The following PTPN6 variants were observed in gnomAD, a reference collection of about 807,000 sequenced individuals.
PTPN6 encodes the protein tyrosine-protein phosphatase non-receptor type 6.
In PTPN6, 18 loss-of-function variants were observed where a neutral mutation model predicts 81.5. The ratio of observed to expected loss-of-function variants is 0.22; its 90% confidence interval spans 0.15 to 0.33. The LOEUF is 0.33. Ranked by LOEUF, PTPN6 falls within the 10% of genes least tolerant of loss-of-function variation. The pLI, the probability that PTPN6 is intolerant of heterozygous loss-of-function variation, is 1.00. For missense variants in PTPN6, 500 were observed against 794.2 expected, an observed-to-expected ratio of 0.63 and a Z score of 4.45; for synonymous variants, 301 against 310.9, an observed-to-expected ratio of 0.97 and a Z score of 0.33.
upstream of PTPN6, among the ~76,000 whole-genome samples, chr12:6,947,817 C>T (rs1945854389): frequency 6.6e-6 from 1 of 152,074 alleles, no homozygotes; most frequent in African/African-American, 2.4e-5. Context: ...GGAAGAGGAG[C>T]TGGCCATGTG....
upstream of PTPN6, chr12:6,946,836 G>A (rs960947519): frequency 3.1e-6 from 4 of 1,308,344 alleles, no homozygotes; most frequent in South Asian, 1.3e-5. Context: ...GAACGTGAGT[G>A]CGATCTGCCG....
rs1591684891 is a variant in PTPN6 at position 6,952,921 on chromosome 12, C to T, written c.326+744C>T. On this transcript the variant is annotated intron_variant, in intron 3 of 15. Coordinates refer to ENST00000318974, the MANE Select transcript of PTPN6 (RefSeq NM_002831.6). This position sits in a 1 kb window ranked among gnomAD's most constrained non-coding sequence, Gnocchi z 8.1. ...CAGCCGCATCTCAATGCCAGATCCC[C>T]TTAGAGTAAAGGGCAGCGGAATAAC... 5 of 152,856 alleles carry T rather than the reference C, an allele frequency of 3.3e-5. No homozygotes were observed. The highest frequency in any genetic ancestry group is 7.3e-5 in the Non-Finnish European group (5 of 68,406). 9.5% of individuals were successfully genotyped at this position (152,856 alleles called of 1,614,324 possible).
Position 6,960,519 on chromosome 12 carries a change from T to G in PTPN6, c.1673+84T>G. ...CCTCACTTTCTGGAGAGGACAAGTG[T>G]TGCAGCTGGGGGGACCTGGCTTCAA... On this transcript the variant is annotated intron_variant, in intron 14 of 15. Coordinates refer to ENST00000318974, the MANE Select transcript of PTPN6 (RefSeq NM_002831.6). The surrounding 1 kb of genome is among the most constrained non-coding windows in gnomAD (Gnocchi z 6.1). 1.3e-6 allele frequency: 2 copies of G among 1,492,764 alleles called. No homozygotes were observed. The highest frequency in any genetic ancestry group is 1.8e-6 in the Non-Finnish European group (2 of 1,088,428). 92.5% of individuals were successfully genotyped at this position (1,492,764 alleles called of 1,614,324 possible).
At position 6,957,065 on chromosome 12, in the gene PTPN6, C is replaced by T. The variant is rs781880556; in HGVS notation, c.1074+497C>T. Among the ~76,000 whole-genome samples, 4 of 152,332 alleles carry T rather than the reference C, an allele frequency of 2.6e-5. No homozygotes were observed. Among genetic ancestry groups the T allele is most frequent in the South Asian group, 4.1e-4 (2 of 4,832 alleles). On this transcript the variant is annotated intron_variant, in intron 9 of 15. Coordinates refer to ENST00000318974, the MANE Select transcript of PTPN6 (RefSeq NM_002831.6). The surrounding 1 kb of genome is among the most constrained non-coding windows in gnomAD (Gnocchi z 6.5). ...TCTGGTGGCTTCCCTCTGACCCGCA[C>T]GCTTCTCTTGAAGGCTCACCGCCCC...
chr12:6,948,938 T>G (rs1392018946), upstream of PTPN6, among the ~76,000 whole-genome samples: 1 of 130,270 alleles, frequency 7.7e-6, no homozygotes, highest in African/African-American at 3.0e-5. Context: ...CGGGAGAGAC[T>G]CCATCTCAAA....
Position 6,960,259 on chromosome 12 carries a change from T to TGGCG in PTPN6, c.1581+22_1581+23insCGGG. On this transcript the variant is annotated intron_variant, in intron 13 of 15. Coordinates refer to ENST00000318974, the MANE Select transcript of PTPN6 (RefSeq NM_002831.6). This position sits in a 1 kb window ranked among gnomAD's most constrained non-coding sequence, Gnocchi z 6.1. ...CTGCAGGTGCGTGCAGAGCAGGGCC[T>TGGCG]GGGGGGGGGGGGGGCTGCAGTGCAG... 8.7e-7 allele frequency: 1 copy of TGGCG among 1,146,954 alleles called. No homozygotes were observed. The highest frequency in any genetic ancestry group is 1.2e-6 in the Non-Finnish European group (1 of 823,850). The allele number at this position is 1,146,954 out of a possible 1,614,324, so 71.0% of individuals were successfully genotyped here. A position where few individuals can be genotyped will look rare whatever the true frequency, so the allele number is the denominator to read the frequency against.
In PTPN6 at chr12:6,961,277, A is replaced by C. The variant is rs916232889; in HGVS notation, c.*177A>C. On this transcript the variant is annotated 3_prime_UTR_variant, in exon 16 of 16. Transcript: ENST00000318974. ...CCCAGCCAGGCCCCAGGCAGGGCCAACCCTTCTCCTCTTGTAAATAAAGCC... is the reference window on the plus strand; with the variant it reads ...CCCAGCCAGGCCCCAGGCAGGGCCACCCCTTCTCCTCTTGTAAATAAAGCC... 1 of 342,728 alleles carries C rather than the reference A, an allele frequency of 2.9e-6. No homozygotes were observed. The highest frequency in any genetic ancestry group is 5.7e-6 in the Non-Finnish European group (1 of 174,436). 21.2% of individuals were successfully genotyped at this position (342,728 alleles called of 1,614,324 possible).
upstream of PTPN6, among the ~76,000 whole-genome samples, chr12:6,948,637 GAAAA>G (rs1555147201): frequency 6.6e-6 from 1 of 151,760 alleles, no homozygotes; most frequent in African/African-American, 2.4e-5. Context: ...CCGGTCGAAA[GAAAA>G]AAGAAAAAGT....
chr12:6,946,600 G>A (rs1591678644), upstream of PTPN6: 59 of 764,920 alleles, frequency 7.7e-5, no homozygotes, highest in East Asian at 1.6e-3. Context: ...GCAGGATCGA[G>A]GAGGAAGTGG....
In PTPN6 at chr12:6,951,424, C is replaced by G. The variant is rs1555147694; in HGVS notation, c.-89C>G. On this transcript the variant is annotated 5_prime_UTR_variant, in exon 1 of 16. The change creates a new upstream start codon in the 5' untranslated region. Coordinates refer to ENST00000318974, the MANE Select transcript of PTPN6 (RefSeq NM_002831.6). This position sits in a 1 kb window ranked among gnomAD's most constrained non-coding sequence, Gnocchi z 7.2. The stretch of plus-strand genomic sequence containing the variant: ...GGCGGCCCGGCACTGGGAGCTGCAT[C>G]TGAGGCTTAGTCCCTGAGCTCTCTG... 6.3e-7 allele frequency: 1 copy of G among 1,578,318 alleles called. No homozygotes were observed. The highest frequency in any genetic ancestry group is 8.6e-7 in the Non-Finnish European group (1 of 1,162,538).
chr12:6,952,214 A>G lies in PTPN6; in HGVS notation c.326+37A>G. On this transcript the variant is annotated intron_variant, in intron 3 of 15. Transcript: ENST00000318974. This position sits in a 1 kb window ranked among gnomAD's most constrained non-coding sequence, Gnocchi z 8.1. ...GCACCCCCGCCATTCCCAAGCAGGG[A>G]TGAGCCGGCTCCCACCCTGAACAGC... 6.2e-7 allele frequency: 1 copy of G among 1,610,786 alleles called. No homozygotes were observed. Among genetic ancestry groups the G allele is most frequent in the Non-Finnish European group, 8.5e-7 (1 of 1,178,654 alleles).
Position 6,951,966 on chromosome 12 carries a change from C to T in PTPN6, c.132-17C>T, listed in dbSNP as rs370185964. The T allele has an allele frequency of 1.2e-4, 189 of 1,613,166 alleles. 1 individual carries two copies. Among genetic ancestry groups the T allele is most frequent in the Middle Eastern group, 1.6e-4 (1 of 6,084 alleles). On this transcript the variant is annotated splice_polypyrimidine_tract_variant and intron_variant, in intron 2 of 15. Coordinates refer to ENST00000318974, the MANE Select transcript of PTPN6 (RefSeq NM_002831.6). This position sits in a 1 kb window ranked among gnomAD's most constrained non-coding sequence, Gnocchi z 7.2. Reference sequence around the variant, plus strand: ...CTACTCCTGCACCGACTGGCCTCACCGCCTGGTGCCCTGCAGGGTGGGGGA... The same window carrying T: ...CTACTCCTGCACCGACTGGCCTCACTGCCTGGTGCCCTGCAGGGTGGGGGA...
chr12:6,955,014 G>T lies in PTPN6; in HGVS notation c.516+20G>T. The T allele has an allele frequency of 1.2e-6, 2 of 1,613,878 alleles. No homozygotes were observed. The highest frequency in any genetic ancestry group is 2.2e-5 in the South Asian group (2 of 91,068). On this transcript the variant is annotated intron_variant, in intron 4 of 15. Transcript: ENST00000318974. The surrounding 1 kb of genome is among the most constrained non-coding windows in gnomAD (Gnocchi z 7.2). ...TGCGAGGTAAGGCAGCCAGGCGGCG[G>T]GGGAGCCTCTGCTGAGGCTCCTGTC...
chr12:6,951,342 G>T, upstream of PTPN6: 1 of 1,520,972 alleles, frequency 6.6e-7, no homozygotes, highest in Non-Finnish European at 8.8e-7. The surrounding 1 kb of genome is among the most constrained non-coding windows in gnomAD (Gnocchi z 7.2). Context: ...CCGCCCTGCC[G>T]GCTGCCCCAG....
chr12:6,946,928 G>GC (rs1331941143), upstream of PTPN6, among the ~76,000 whole-genome samples: 2 of 152,142 alleles, frequency 1.3e-5, no homozygotes, highest in African/African-American at 2.4e-5. Flanking sequence ...ATGCTCCTCT[G>GC]CCCCCTCTTT....
chr12:6,954,022 G>A lies in PTPN6; in HGVS notation c.327-783G>A, dbSNP rs1186224641. 6.6e-6 allele frequency among the ~76,000 whole-genome samples: 1 copy of A among 152,192 alleles called. No homozygotes were observed. Among genetic ancestry groups the A allele is most frequent in the Non-Finnish European group, 1.5e-5 (1 of 68,018 alleles). Reference sequence around the variant, plus strand: ...CATCACGTGGTTTCCTGTGGGGCTGGGCTTTGTGGGGCTACAGTTTCCTCC... The same window carrying A: ...CATCACGTGGTTTCCTGTGGGGCTGAGCTTTGTGGGGCTACAGTTTCCTCC... On this transcript the variant is annotated intron_variant, in intron 3 of 15. Coordinates refer to ENST00000318974, the MANE Select transcript of PTPN6 (RefSeq NM_002831.6). The surrounding 1 kb of genome is among the most constrained non-coding windows in gnomAD (Gnocchi z 5.4).
In PTPN6 at chr12:6,957,637, C is replaced by A; in HGVS notation, c.1075-17C>A. ...CCCTGCTCTGTGCCTCATCCCCACC[C>A]GACCCTCCCTTTCCAGAACAAATGC... On this transcript the variant is annotated splice_polypyrimidine_tract_variant and intron_variant, in intron 9 of 15. Transcript: ENST00000318974. This position sits in a 1 kb window ranked among gnomAD's most constrained non-coding sequence, Gnocchi z 6.5. 3.9e-6 allele frequency: 6 copies of A among 1,532,790 alleles called. No individual in the cohort carries two copies. The South Asian group carries it at 4.5e-5, about 11-fold the overall frequency. 94.9% of individuals were successfully genotyped at this position (1,532,790 alleles called of 1,614,324 possible).
In PTPN6 at chr12:6,952,277, C is replaced by T. The variant is rs1945940319; in HGVS notation, c.326+100C>T. 3 of 1,372,568 alleles carry T rather than the reference C, an allele frequency of 2.2e-6. No homozygotes were observed. The highest frequency in any genetic ancestry group is 3.1e-6 in the Non-Finnish European group (3 of 972,198). 85.0% of individuals were successfully genotyped at this position (1,372,568 alleles called of 1,614,324 possible). The stretch of plus-strand genomic sequence containing the variant: ...GAGACTGGCAGCCGGCGCTGCCTAC[C>T]CTCCATCCCCTCCCCTCCCTGCACC... On this transcript the variant is annotated intron_variant, in intron 3 of 15. Coordinates refer to ENST00000318974, the MANE Select transcript of PTPN6 (RefSeq NM_002831.6). The surrounding 1 kb of genome is among the most constrained non-coding windows in gnomAD (Gnocchi z 8.1).
chr12:6,954,284 T>C lies in PTPN6; in HGVS notation c.327-521T>C, dbSNP rs1208175738. ...GTCCATCTCCCACCACTCCCTGTGG[T>C]GTGGCCTCGGTCTGCGTTTCTCTTT... On this transcript the variant is annotated intron_variant, in intron 3 of 15. Transcript: ENST00000318974. This position sits in a 1 kb window ranked among gnomAD's most constrained non-coding sequence, Gnocchi z 5.4. Among the ~76,000 whole-genome samples, 1 of 152,106 alleles carries C rather than the reference T, an allele frequency of 6.6e-6. No individual in the cohort carries two copies. The highest frequency in any genetic ancestry group is 1.5e-5 in the Non-Finnish European group (1 of 68,042).
Sources: allele counts gnomAD v4.1 joint callset (sites outside exome capture counted in the v4.1 genomes callset), GRCh38; gene constraint gnomAD v4.1.1; non-coding constraint Gnocchi (gnomAD v3.1); transcripts MANE v1.5; gene names NCBI Gene and HGNC (gene_info 2026-07-23, HGNC 2026-07-21).